GRIK4: variants seen among roughly 807,000 people sequenced by gnomAD.
GRIK4 encodes glutamate ionotropic receptor kainate type subunit 4, also known as glutamate receptor ionotropic, kainate 4.
In GRIK4, 40 loss-of-function variants were observed where a neutral mutation model predicts 104.9. The observed-to-expected ratio is 0.38, with a 90% CI of 0.30 to 0.50. The LOEUF is 0.50. GRIK4 is among the 20% of genes least tolerant of loss of function. GRIK4 has a pLI of 0.93. For missense variants in GRIK4, 1,047 were observed against 1,308.1 expected (o/e 0.80, Z 3.08); for synonymous variants, 485 against 524.9 (o/e 0.92, Z 1.04).
chr11:120,529,624 T>A (rs114532992), intron 1 of GRIK4, among the ~76,000 whole-genome samples: 1 of 152,246 alleles, frequency 6.6e-6, no homozygotes. Flanking sequence ...AAGTGCTGTC[T>A]GTCACTTATC....
Position 120,856,802 on chromosome 11 carries a change from A to T in GRIK4, c.745-5157A>T, listed in dbSNP as rs532647814. ...CTACTTAAGGTCAAACTCAGAAACA[A>T]TCTGGGCCATTAAAAGTTCTTGTGC... is the stretch of plus-strand genomic sequence containing the variant. On this transcript the variant is annotated intron_variant, in intron 8 of 20. Coordinates refer to ENST00000527524, the MANE Select transcript of GRIK4 (RefSeq NM_014619.5). Among the ~76,000 whole-genome samples the T allele has an allele frequency of 6.6e-5, 10 of 152,262 alleles. No homozygotes were observed. The South Asian group carries it at 1.5e-3, about 22-fold the overall frequency.
At chr11:120,614,892 G>A (rs939845503) in intron 1 of GRIK4, among the ~76,000 whole-genome samples, 1 of 152,122 alleles carries the variant, frequency 6.6e-6, no homozygotes, top group Non-Finnish European at 1.5e-5. Flanking sequence ...CCAGCTACTC[G>A]GGAGGCTGAG....
At chr11:120,641,008 G>A (rs552782654) in intron 1 of GRIK4, among the ~76,000 whole-genome samples, 3 of 152,322 alleles carry the variant, frequency 2.0e-5, no homozygotes, top group South Asian at 2.1e-4. Flanking sequence ...CACCGCGCCC[G>A]GCCCAGAAAT....
At chr11:120,788,208 A>G (rs1209110842) in intron 3 of GRIK4, among the ~76,000 whole-genome samples, 2 of 152,140 alleles carry the variant, frequency 1.3e-5, no homozygotes, top group African/African-American at 4.8e-5. Flanking sequence ...CTGAGTGGGA[A>G]TATAGGCTGA....
chr11:120,747,326 G>C (rs1233936514), intron 3 of GRIK4, among the ~76,000 whole-genome samples: 1 of 152,182 alleles, frequency 6.6e-6, no homozygotes, highest in Non-Finnish European at 1.5e-5. Context: ...GTCCCAACAG[G>C]CACTGGGCAA....
At chr11:120,876,173 C>CTA in intron 11 of GRIK4, among the ~76,000 whole-genome samples, 1 of 147,622 alleles carries the variant, frequency 6.8e-6, no homozygotes, top group African/African-American at 2.5e-5. Context: ...ATCATCACCA[C>CTA]CCCCACCATC....
At chr11:120,591,064 C>A (rs1948726951) in intron 1 of GRIK4, among the ~76,000 whole-genome samples, 1 of 152,122 alleles carries the variant, frequency 6.6e-6, no homozygotes, top group Non-Finnish European at 1.5e-5. Flanking sequence ...CCTTCTCACA[C>A]TGGAAGCGTA....
chr11:120,656,332 A>G (rs1949709581), intron 2 of GRIK4, among the ~76,000 whole-genome samples: 2 of 152,158 alleles, frequency 1.3e-5, no homozygotes, highest in African/African-American at 2.4e-5. Context: ...TCAGCTAGTC[A>G]TGTATCTTTT....
At chr11:120,808,919 G>A (rs1052381272) in intron 4 of GRIK4, among the ~76,000 whole-genome samples, 1 of 152,132 alleles carries the variant, frequency 6.6e-6, no homozygotes, top group Non-Finnish European at 1.5e-5. Flanking sequence ...GGCCAGGGTT[G>A]TTTGCCATCT....
chr11:120,630,190 C>A (rs1279417105), intron 1 of GRIK4, among the ~76,000 whole-genome samples: 1 of 152,178 alleles, frequency 6.6e-6, no homozygotes, highest in Non-Finnish European at 1.5e-5. Context: ...TGTGTGGGGA[C>A]CCTGAACCCC....
At chr11:120,880,952 C>CT (rs1954953916) in intron 11 of GRIK4, among the ~76,000 whole-genome samples, 2 of 152,198 alleles carry the variant, frequency 1.3e-5, no homozygotes, top group Non-Finnish European at 2.9e-5. Flanking sequence ...AGCTCATAAT[C>CT]TTTTGGGGAA....
intron 13 of GRIK4, among the ~76,000 whole-genome samples, chr11:120,922,740 G>A (rs1412152501): frequency 3.9e-5 from 6 of 152,194 alleles, no homozygotes; most frequent in African/African-American, 1.2e-4. Flanking sequence ...TGCCGATGGC[G>A]GTGTCGGCAG....
intron 1 of GRIK4, among the ~76,000 whole-genome samples, chr11:120,571,285 G>A (rs1307710596): frequency 2.0e-5 from 3 of 152,156 alleles, no homozygotes; most frequent in African/African-American, 7.2e-5. Context: ...TTGAAAAGCT[G>A]TGCAGCAGCT....
chr11:120,942,554 A>C (rs1943750831), intron 14 of GRIK4, among the ~76,000 whole-genome samples: 3 of 152,092 alleles, frequency 2.0e-5, no homozygotes, highest in Admixed American at 2.0e-4. Context: ...ACCTGACCCC[A>C]AGTGTTTTTG....
chr11:120,704,388 G>A (rs538069985), intron 3 of GRIK4, among the ~76,000 whole-genome samples: 87 of 152,302 alleles, frequency 5.7e-4, no homozygotes, highest in African/African-American at 2.0e-3. Context: ...ACCTCTGGTC[G>A]CAGCTCAGGA....
chr11:120,951,215 A>C (rs538708553), intron 14 of GRIK4, among the ~76,000 whole-genome samples: 1 of 152,294 alleles, frequency 6.6e-6, no homozygotes, highest in East Asian at 1.9e-4. Flanking sequence ...CCGGCTCCCT[A>C]AGAAGGAAGG....
chr11:120,515,500 T>C (rs1260353197), intron 1 of GRIK4, among the ~76,000 whole-genome samples: 1 of 152,210 alleles, frequency 6.6e-6, no homozygotes, highest in East Asian at 1.9e-4. Context: ...GGGCACATTC[T>C]CTGAGTGGCC....
chr11:120,810,071 A>G (rs1255874827), intron 4 of GRIK4, among the ~76,000 whole-genome samples: 1 of 152,180 alleles, frequency 6.6e-6, no homozygotes, highest in African/African-American at 2.4e-5. Context: ...TCTCAAAACA[A>G]ACAAACAAAC....
chr11:120,894,079 A>T (rs1942498046), intron 11 of GRIK4, among the ~76,000 whole-genome samples: 1 of 152,188 alleles, frequency 6.6e-6, no homozygotes, highest in Admixed American at 6.5e-5. Context: ...ATACTTTGAG[A>T]CACCGTCCTA....
Sources: gnomAD v4.1 joint callset for allele counts (sites outside exome capture counted in the v4.1 genomes callset) on GRCh38, gnomAD v4.1.1 for gene constraint, MANE v1.5 for transcripts, NCBI Gene and HGNC (gene_info 2026-07-23, HGNC 2026-07-21) for gene names.